The following DERL1 variants were observed in gnomAD, a reference collection of about 807,000 sequenced individuals.
DERL1 encodes the protein derlin-1.
In DERL1, 24 loss-of-function variants were observed where a neutral mutation model predicts 41.6. The observed-to-expected ratio is 0.58, with a 90% CI of 0.42 to 0.81. The LOEUF (loss-of-function observed/expected upper bound fraction) is 0.81, where lower values mean the gene tolerates loss of function less well. DERL1 is among the 30% of genes least tolerant of loss of function. The pLI is 0.00. For missense variants in DERL1, 260 were observed against 314.3 expected (o/e 0.83, Z 1.31); for synonymous variants, 124 against 112.5 (o/e 1.10, Z -0.65).
Position 123,015,499 on chromosome 8 carries a change from C to A in DERL1, c.704G>T (p.Gly235Val). The change falls in exon 8 of 8, where the codon GGC becomes GTC. Residue 235 changes from glycine to valine, a missense_variant. Gly to Val is a moderately radical substitution (Grantham distance 109). Transcript: ENST00000259512. ...ASMRRAADQN[G>V]GGGRHNWGQG... ...GCCCCAGTTGTGTCTCCCGCCTCCG[C>A]CATTCTGATCAGCAGCTCGCCTCAT... The A allele has an allele frequency of 1.2e-6, 2 of 1,613,636 alleles. No homozygotes were observed.
chr8:123,029,650 T>C (rs983574805), intron 2 of DERL1, among the ~76,000 whole-genome samples: 1 of 152,230 alleles, frequency 6.6e-6, no homozygotes, highest in African/African-American at 2.4e-5. Flanking sequence ...ACACAGTGTA[T>C]TGATGTATTG....
At chr8:123,034,134 T>G (rs1224295397) in intron 1 of DERL1, among the ~76,000 whole-genome samples, 2 of 152,178 alleles carry the variant, frequency 1.3e-5, no homozygotes, top group South Asian at 2.1e-4. Context: ...ACAATTCAAG[T>G]GTGGCTGGAA....
intron 1 of DERL1, among the ~76,000 whole-genome samples, chr8:123,033,063 A>G (rs1812851584): frequency 6.6e-6 from 1 of 151,676 alleles, no homozygotes; most frequent in Admixed American, 6.6e-5. Context: ...GGCTCTTCCT[A>G]TGTTGTCCAG....
intron 6 of DERL1, among the ~76,000 whole-genome samples, chr8:123,019,975 G>A (rs566939167): frequency 6.6e-6 from 1 of 152,266 alleles, no homozygotes; most frequent in East Asian, 1.9e-4. Flanking sequence ...ATCAACACCT[G>A]CAACTACTTC....
At chr8:123,041,116 T>C (rs899003454) in intron 1 of DERL1, among the ~76,000 whole-genome samples, 3 of 152,008 alleles carry the variant, frequency 2.0e-5, no homozygotes, top group Non-Finnish European at 2.9e-5. Context: ...ATCCTAACAT[T>C]TAAAAGTCAG....
At position 123,021,632 on chromosome 8, in the gene DERL1, TTCTAGGATCAA is replaced by T. The variant is rs1245735413; in HGVS notation, c.454-144_454-134del. The stretch of plus-strand genomic sequence containing the variant: ...ATCCTCTGGAAGGTCACTGCAAAAT[TTCTAGGATCAA>T]TCTAGCATTATTCCCACTATACTTA... On this transcript the variant is annotated intron_variant, in intron 5 of 7. Coordinates refer to ENST00000259512, the MANE Select transcript of DERL1 (RefSeq NM_024295.6). 8 of 766,678 alleles carry T rather than the reference TTCTAGGATCAA, an allele frequency of 1.0e-5. No homozygotes were observed. In the East Asian group the frequency reaches 2.0e-4, roughly 19 times the overall value. The allele number at this position is 766,678 out of a possible 1,614,324, so 47.5% of individuals were successfully genotyped here. A position where few individuals can be genotyped will look rare whatever the true frequency, so the allele number is the denominator to read the frequency against.
intron 1 of DERL1, among the ~76,000 whole-genome samples, chr8:123,033,457 G>T (rs1183732594): frequency 6.6e-6 from 1 of 152,092 alleles, no homozygotes; most frequent in Non-Finnish European, 1.5e-5. Context: ...TGAAAATTGA[G>T]CTTCGGCCGG....
At chr8:123,039,520 T>G (rs1484905965) in intron 1 of DERL1, among the ~76,000 whole-genome samples, 1 of 152,228 alleles carries the variant, frequency 6.6e-6, no homozygotes, top group Non-Finnish European at 1.5e-5. Flanking sequence ...TCCCAGCTCC[T>G]ACTTCTGAGC....
chr8:123,027,293 CA>C (rs1491294516), intron 2 of DERL1, among the ~76,000 whole-genome samples: 1 of 27,248 alleles, frequency 3.7e-5, no homozygotes, highest in Non-Finnish European at 6.4e-5. Context: ...GACCCTGTCT[CA>C]AAAAAAAAAA....
intron 1 of DERL1, among the ~76,000 whole-genome samples, chr8:123,033,636 G>T (rs985790188): frequency 6.6e-6 from 1 of 152,098 alleles, no homozygotes. Flanking sequence ...CCAGCTACTC[G>T]GGAGGCTGAG....
intron 1 of DERL1, among the ~76,000 whole-genome samples, chr8:123,040,450 C>T (rs185744466): frequency 6.6e-6 from 1 of 152,292 alleles, no homozygotes; most frequent in East Asian, 1.9e-4. Flanking sequence ...ACTGAAGTAA[C>T]AGCAAGGATC....
intron 2 of DERL1, among the ~76,000 whole-genome samples, chr8:123,027,180 G>A (rs1294501993): frequency 6.6e-6 from 1 of 151,394 alleles, no homozygotes; most frequent in Non-Finnish European, 1.5e-5. Flanking sequence ...TGTAGTCCCA[G>A]CTACTCAGGA....
At chr8:123,036,461 C>G (rs564964608) in intron 1 of DERL1, among the ~76,000 whole-genome samples, 1 of 152,324 alleles carries the variant, frequency 6.6e-6, no homozygotes, top group South Asian at 2.1e-4. Flanking sequence ...TTAGAGAGGA[C>G]AGTGACCAGA....
intron 1 of DERL1, among the ~76,000 whole-genome samples, chr8:123,041,463 T>G (rs541808874): frequency 1.3e-5 from 2 of 152,304 alleles, no homozygotes; most frequent in East Asian, 3.9e-4. Context: ...TAGAGGGAAA[T>G]GCAGAACAAT....
chr8:123,030,561 A>T (rs1243487577), intron 2 of DERL1, 44 bp downstream of exon 2: 1 of 1,374,394 alleles, frequency 7.3e-7, no homozygotes, highest in African/African-American at 1.5e-5. Flanking sequence ...ATGGATTAGT[A>T]AATGAGAAAG....
At chr8:123,038,891 C>T (rs2130498192) in intron 1 of DERL1, among the ~76,000 whole-genome samples, 1 of 152,324 alleles carries the variant, frequency 6.6e-6, no homozygotes, top group Admixed American at 6.5e-5. Context: ...CTCCCTTGGC[C>T]TCGCCACATG....
At chr8:123,029,985 G>A (rs576734260) in intron 2 of DERL1, among the ~76,000 whole-genome samples, 42 of 152,176 alleles carry the variant, frequency 2.8e-4, no homozygotes, top group Non-Finnish European at 3.8e-4. Context: ...GCTTGAACCC[G>A]AGAGGCAGAG....
chr8:123,015,069 G>C lies in DERL1; in HGVS notation c.*378C>G, dbSNP rs1814520256. 6.2e-6 allele frequency: 1 copy of C among 161,926 alleles called. No individual in the cohort carries two copies. Among genetic ancestry groups the C allele is most frequent in the Non-Finnish European group, 1.3e-5 (1 of 74,628 alleles). 10.0% of individuals were successfully genotyped at this position (161,926 alleles called of 1,614,324 possible). The stretch of plus-strand genomic sequence containing the variant: ...GTTGGGAAAAGTGGGAGAGAGGCAT[G>C]TGTGCAAGAAAGAGATAAGGGTCCT... On this transcript the variant is annotated 3_prime_UTR_variant, in exon 8 of 8. Transcript: ENST00000259512.
chr8:123,028,674 T>C (rs975815436), intron 2 of DERL1, among the ~76,000 whole-genome samples: 3 of 152,252 alleles, frequency 2.0e-5, no homozygotes, highest in East Asian at 3.8e-4. Flanking sequence ...CTTTTGCATA[T>C]GTTTGAAAAT....
Sources: gnomAD v4.1 joint callset for allele counts (sites outside exome capture counted in the v4.1 genomes callset) on GRCh38, gnomAD v4.1.1 for gene constraint, MANE v1.5 for transcripts, NCBI Gene and HGNC (gene_info 2026-07-23, HGNC 2026-07-21) for gene names.